DGKI: variants seen among roughly 807,000 people sequenced by gnomAD.
DGKI encodes DAG kinase iota.
DGKI carries 55 observed loss-of-function variants against 147.5 expected under a neutral mutation model. The observed-to-expected ratio is 0.37, with a 90% CI of 0.30 to 0.47. DGKI has a LOEUF of 0.47. DGKI is among the 20% of genes least tolerant of loss of function. The probability of loss-of-function intolerance (pLI) is 1.00; values close to 1 mark genes in which losing one functional copy is unlikely to be tolerated. For synonymous variants in DGKI, 469 were observed against 477.1 expected (o/e 0.98, Z 0.22); for missense variants, 1,007 against 1,323.8 (o/e 0.76, Z 3.71).
Position 137,587,050 on chromosome 7 carries a change from C to T in DGKI, c.1425+47G>A, listed in dbSNP as rs368626838. The stretch of plus-strand genomic sequence containing the variant: ...TTAGAACATCAGTGGATCTGGAATC[C>T]GGTTTGTTGTTTGATGATATGGGCA... On this transcript the variant is annotated intron_variant, in intron 13 of 32. Transcript: ENST00000614521. 7.9e-5 allele frequency: 106 copies of T among 1,344,832 alleles called. No individual in the cohort carries two copies. In the Middle Eastern group the frequency reaches 1.7e-3, roughly 22 times the overall value. 83.3% of individuals were successfully genotyped at this position (1,344,832 alleles called of 1,614,324 possible).
chr7:137,430,051 T>C (rs1381777789), intron 28 of DGKI, among the ~76,000 whole-genome samples: 2 of 116,396 alleles, frequency 1.7e-5, no homozygotes, highest in African/African-American at 6.4e-5. Flanking sequence ...ATCCCATTAC[T>C]GGGTATATAC....
intron 28 of DGKI, among the ~76,000 whole-genome samples, chr7:137,412,980 G>C (rs1585089390): frequency 6.6e-6 from 1 of 152,084 alleles, no homozygotes; most frequent in African/African-American, 2.4e-5. Context: ...TGTAGAAGAG[G>C]AATGAGAGGC....
chr7:137,561,505 C>A (rs1818419400), intron 19 of DGKI, among the ~76,000 whole-genome samples: 2 of 152,052 alleles, frequency 1.3e-5, no homozygotes, highest in African/African-American at 4.8e-5. Flanking sequence ...GTGTTCTATA[C>A]CACTGTAGGA....
At chr7:137,785,312 A>G (rs1796635819) in intron 1 of DGKI, among the ~76,000 whole-genome samples, 1 of 152,016 alleles carries the variant, frequency 6.6e-6, no homozygotes, top group Non-Finnish European at 1.5e-5. Flanking sequence ...CTAATACCAC[A>G]GAAATACAAG....
In DGKI at chr7:137,846,607, C is replaced by G; in HGVS notation, c.256G>C (p.Gly86Arg). 9.1e-7 allele frequency: 1 copy of G among 1,098,566 alleles called. No individual in the cohort carries two copies. Among genetic ancestry groups the G allele is most frequent in the Non-Finnish European group, 1.1e-6 (1 of 908,282 alleles). 68.1% of individuals were successfully genotyped at this position (1,098,566 alleles called of 1,614,324 possible). The change falls in exon 1 of 33, where the codon GGC becomes CGC. Residue 86 changes from glycine (G) to arginine (R), a missense_variant. By Grantham distance (125) the Gly-to-Arg change is moderately radical. Transcript: ENST00000614521. This position sits in a 1 kb window ranked among gnomAD's most constrained non-coding sequence, Gnocchi z 4.0. Reference protein sequence around the residue: ...AGSCCLGAEGGADPRGAGSAA... With the variant: ...AGSCCLGAEGRADPRGAGSAA... ...GACCCTGCGCCCCGCGGGTCCGCGC[C>G]GCCCTCGGCGCCCAGGCAGCAGCTC...
rs536605961 is a variant in DGKI, at chr7:137,735,907, C to T, written c.402-45905G>A. Among the ~76,000 whole-genome samples the T allele has an allele frequency of 1.5e-4, 23 of 152,162 alleles. No homozygotes were observed. The South Asian group carries it at 4.6e-3, about 30-fold the overall frequency. On this transcript the variant is annotated intron_variant, in intron 1 of 32. Transcript: ENST00000614521. ...CTAAACGCCTGTGCTAGCTACCGTC[C>T]GCTATGTCAGTGACATTGCATGCTT...
intron 21 of DGKI, among the ~76,000 whole-genome samples, chr7:137,489,547 A>G (rs904288007): frequency 2.6e-5 from 4 of 152,214 alleles, no homozygotes; most frequent in African/African-American, 9.6e-5. Flanking sequence ...TAGAGTAATC[A>G]TCTTCAGCTA....
chr7:137,542,032 C>T (rs1474964029), intron 20 of DGKI, among the ~76,000 whole-genome samples: 1 of 152,104 alleles, frequency 6.6e-6, no homozygotes, highest in Non-Finnish European at 1.5e-5. Flanking sequence ...GATGAACTCT[C>T]AAAGTTCACA....
intron 28 of DGKI, among the ~76,000 whole-genome samples, chr7:137,441,420 CAAAAAAAAAAA>C (rs538892825): frequency 3.0e-5 from 2 of 67,554 alleles, no homozygotes; most frequent in Non-Finnish European, 6.0e-5. Flanking sequence ...GACTCCGTCT[CAAAAAAAAAAA>C]AAAAAAAAAA....
chr7:137,403,627 G>A (rs1811843163), intron 30 of DGKI, among the ~76,000 whole-genome samples: 1 of 152,190 alleles, frequency 6.6e-6, no homozygotes, highest in Non-Finnish European at 1.5e-5. Context: ...ACCTGGCAAA[G>A]AGCCTGTGAA....
At chr7:137,416,504 G>A (rs935053600) in intron 28 of DGKI, among the ~76,000 whole-genome samples, 4 of 152,174 alleles carry the variant, frequency 2.6e-5, no homozygotes, top group African/African-American at 7.2e-5. Flanking sequence ...GTAGTCTCAG[G>A]TAACGCGATC....
At chr7:137,734,933 C>T (rs1794981166) in intron 1 of DGKI, among the ~76,000 whole-genome samples, 1 of 152,076 alleles carries the variant, frequency 6.6e-6, no homozygotes, top group Admixed American at 6.6e-5. Flanking sequence ...CACATCACCG[C>T]TGATCATGAT....
chr7:137,676,921 G>A (rs748365808), intron 3 of DGKI, among the ~76,000 whole-genome samples: 7 of 152,174 alleles, frequency 4.6e-5, no homozygotes, highest in African/African-American at 1.2e-4. Flanking sequence ...TTGGAAATAA[G>A]GGATGACTCT....
In DGKI at chr7:137,846,804, G is replaced by T; in HGVS notation, c.59C>A (p.Ala20Asp). ...GGCGGCGGCGGCTGCAGGAGCGCGGGCAGGTCCGCGCGCCGCTGGCAGGGG... is the reference window on the plus strand; with the variant it reads ...GGCGGCGGCGGCTGCAGGAGCGCGGTCAGGTCCGCGCGCCGCTGGCAGGGG... ...LLPLPAARGPARAPAAAAAAA... is the reference protein window; with the variant it reads ...LLPLPAARGPDRAPAAAAAAA... Residue 20 changes from alanine (A) to aspartate (D), a missense_variant, in exon 1 of 33, where the codon GCC becomes GAC. Physicochemically the swap from Ala to Asp is moderately radical, Grantham distance 126. Around this residue, in one of 5 missense-constraint regions of DGKI, gnomAD observed 137 missense variants for 114.4 expected, o/e 1.20. Coordinates refer to ENST00000614521, the MANE Select transcript of DGKI (RefSeq NM_001321708.2). This position sits in a 1 kb window ranked among gnomAD's most constrained non-coding sequence, Gnocchi z 4.0. 1 of 1,129,906 alleles carries T rather than the reference G, an allele frequency of 8.9e-7. No homozygotes were observed. The highest frequency in any genetic ancestry group is 4.9e-5 in the Admixed American group (1 of 20,250). 70.0% of individuals were successfully genotyped at this position (1,129,906 alleles called of 1,614,324 possible). A position where few individuals can be genotyped will look rare whatever the true frequency, so the allele number is the denominator to read the frequency against.
intron 28 of DGKI, among the ~76,000 whole-genome samples, chr7:137,436,261 T>C (rs1016110634): frequency 2.0e-5 from 3 of 152,186 alleles, no homozygotes; most frequent in Non-Finnish European, 4.4e-5. Flanking sequence ...CTACAAGAAG[T>C]GGATCCAAAA....
intron 1 of DGKI, among the ~76,000 whole-genome samples, chr7:137,780,107 T>G (rs988104941): frequency 6.6e-6 from 1 of 152,196 alleles, no homozygotes; most frequent in African/African-American, 2.4e-5. Flanking sequence ...CCTGTATTCT[T>G]ACAAACACTG....
chr7:137,481,315 C>A (rs142934695), intron 23 of DGKI, among the ~76,000 whole-genome samples: 1 of 152,012 alleles, frequency 6.6e-6, no homozygotes, highest in Non-Finnish European at 1.5e-5. Context: ...ATCATGATTT[C>A]GAGGGAGGAA....
intron 28 of DGKI, among the ~76,000 whole-genome samples, chr7:137,440,597 A>T (rs1467218822): frequency 9.9e-5 from 15 of 152,222 alleles, no homozygotes; most frequent in Non-Finnish European, 2.2e-4. Context: ...CTCACCTACT[A>T]GCTATGTGAC....
chr7:137,827,681 C>G (rs533752474), intron 1 of DGKI, among the ~76,000 whole-genome samples: 108 of 152,326 alleles, frequency 7.1e-4, no homozygotes, highest in Non-Finnish European at 1.4e-3. Context: ...GTTCAAGCTG[C>G]TGATGTCTAA....
Sources: allele counts gnomAD v4.1 joint callset (sites outside exome capture counted in the v4.1 genomes callset), GRCh38; gene constraint gnomAD v4.1.1; regional missense constraint gnomAD v4.1.1; non-coding constraint Gnocchi (gnomAD v3.1); transcripts MANE v1.5; gene names NCBI Gene and HGNC (gene_info 2026-07-23, HGNC 2026-07-21).